LIN52: variants seen among roughly 807,000 people sequenced by gnomAD.
LIN52 encodes the protein protein lin-52 homolog.
In LIN52, 4 loss-of-function variants were observed where a neutral mutation model predicts 18.5. The observed-to-expected ratio is 0.22, with a 90% CI of 0.11 to 0.49. LIN52 has a LOEUF of 0.49. Among genes scored for constraint, LIN52 ranks in the 20% least tolerant of loss-of-function variants. The probability of loss-of-function intolerance (pLI) is 0.97; values close to 1 mark genes in which losing one functional copy is unlikely to be tolerated. For missense variants in LIN52, 102 were observed against 139.5 expected (o/e 0.73, Z 1.35); for synonymous variants, 34 against 45.5 (o/e 0.75, Z 1.02).
chr14:74,162,213 C>T (rs1183283224), intron 5 of LIN52, among the ~76,000 whole-genome samples: 7 of 151,960 alleles, frequency 4.6e-5, no homozygotes, highest in Non-Finnish European at 7.4e-5. Flanking sequence ...AAAAAATTGC[C>T]GCCTGTAATC....
intron 3 of LIN52, among the ~76,000 whole-genome samples, chr14:74,097,086 C>T (rs1040479273): frequency 1.7e-4 from 26 of 152,200 alleles, no homozygotes; most frequent in African/African-American, 5.8e-4. Flanking sequence ...TGATGATTTT[C>T]TCATTCTTGA....
rs575393182 is a variant in LIN52 at position 74,159,505 on chromosome 14, G to C, written c.284-39417G>C. 1.7e-4 allele frequency among the ~76,000 whole-genome samples: 26 copies of C among 151,604 alleles called. No homozygotes were observed. In the South Asian group the frequency reaches 3.6e-3, roughly 21 times the overall value. On this transcript the variant is annotated intron_variant, in intron 5 of 5. Coordinates refer to ENST00000555028, the MANE Select transcript of LIN52 (RefSeq NM_001024674.3). ...GTGTGGATAAATGCTCAAATTGTCT[G>C]TCTTGTCCAGGCAGATTCTGTAGCC...
chr14:74,088,276 A>G (rs1372648163), intron 1 of LIN52, among the ~76,000 whole-genome samples: 2 of 152,108 alleles, frequency 1.3e-5, no homozygotes, highest in African/African-American at 2.4e-5. Context: ...TTTTGAGTAG[A>G]GACGGGGTTT....
intron 5 of LIN52, among the ~76,000 whole-genome samples, chr14:74,180,262 ATTT>A (rs5809652): frequency 1.7e-5 from 2 of 119,766 alleles, no homozygotes; most frequent in Admixed American, 9.3e-5. Flanking sequence ...GGGAGGAGGA[ATTT>A]TTTTTTTTTT....
chr14:74,165,513 C>CTTTTTGTTTTTTTTTTTTTTTTT (rs1555384154), intron 5 of LIN52, among the ~76,000 whole-genome samples: 1 of 110,262 alleles, frequency 9.1e-6, no homozygotes, highest in Non-Finnish European at 1.8e-5. Flanking sequence ...GTTTTCTTTT[C>CTTTTTGTTTTTTTTTTTTTTTTT]TTTTTTTTTT....
chr14:74,190,388 A>ATTTTTTTTT (rs2061358409), intron 5 of LIN52, among the ~76,000 whole-genome samples: 1 of 64,312 alleles, frequency 1.6e-5, no homozygotes, highest in Non-Finnish European at 3.2e-5. Flanking sequence ...TGCCTAAATA[A>ATTTTTTTTT]CTTTTTTTTT....
intron 1 of LIN52, among the ~76,000 whole-genome samples, chr14:74,090,631 G>A (rs866757221): frequency 3.0e-4 from 45 of 152,192 alleles, no homozygotes; most frequent in Middle Eastern, 6.8e-3. Context: ...CACCATGTCC[G>A]GCTGGGGTTT....
At chr14:74,149,902 A>C (rs1393707468) in intron 5 of LIN52, among the ~76,000 whole-genome samples, 1 of 152,190 alleles carries the variant, frequency 6.6e-6, no homozygotes, top group Non-Finnish European at 1.5e-5. Context: ...AGGGGGACCA[A>C]GAGTCTGGAA....
intron 5 of LIN52, among the ~76,000 whole-genome samples, chr14:74,119,544 A>G (rs2060986576): frequency 6.6e-6 from 1 of 152,236 alleles, no homozygotes; most frequent in African/African-American, 2.4e-5. Context: ...TAGCTTTAGT[A>G]GGTACTTCCA....
intron 5 of LIN52, among the ~76,000 whole-genome samples, chr14:74,145,756 C>G (rs2061150512): frequency 6.6e-6 from 1 of 152,188 alleles, no homozygotes; most frequent in Admixed American, 6.5e-5. Flanking sequence ...ACATTTCTGG[C>G]ACAAAGTGTT....
chr14:74,184,708 G>A (rs1319885355), intron 5 of LIN52, among the ~76,000 whole-genome samples: 1 of 152,134 alleles, frequency 6.6e-6, no homozygotes, highest in Non-Finnish European at 1.5e-5. Context: ...AAGAATGGCA[G>A]AAAAAATGTT....
At chr14:74,111,871 TTTTC>T (rs941338294) in intron 5 of LIN52, among the ~76,000 whole-genome samples, 5 of 122,914 alleles carry the variant, frequency 4.1e-5, no homozygotes, top group South Asian at 6.2e-4. Flanking sequence ...TTGTGATTTT[TTTTC>T]TTTTTTTCTT....
chr14:74,180,550 G>A (rs550393818), intron 5 of LIN52, among the ~76,000 whole-genome samples: 12 of 152,146 alleles, frequency 7.9e-5, no homozygotes, highest in African/African-American at 2.6e-4. Context: ...GAGCCACCGC[G>A]CCCAGCCTAG....
intron 4 of LIN52, among the ~76,000 whole-genome samples, chr14:74,099,971 A>T (rs1212847056): frequency 6.6e-6 from 1 of 152,238 alleles, no homozygotes; most frequent in South Asian, 2.1e-4. Context: ...TTTGCTCCTA[A>T]CCTCCAACAG....
chr14:74,149,557 G>GA (rs1430535550), intron 5 of LIN52, among the ~76,000 whole-genome samples: 1 of 151,936 alleles, frequency 6.6e-6, no homozygotes, highest in African/African-American at 2.4e-5. Context: ...TTTGGGGAGG[G>GA]GTTGCCATTA....
rs71460959 is a variant in LIN52 at position 74,137,498 on chromosome 14, C to CTTTTTTTTTTTTTTTTTTTTTTTT, written c.283+36278_283+36279insTTTTTTTTTTTTTTTTTTTTTTTT. Among the ~76,000 whole-genome samples, 3 of 111,624 alleles carry CTTTTTTTTTTTTTTTTTTTTTTTT rather than the reference C, an allele frequency of 2.7e-5. 1 individual carries two copies. Among genetic ancestry groups the CTTTTTTTTTTTTTTTTTTTTTTTT allele is most frequent in the African/African-American group, 1.1e-4 (3 of 26,840 alleles). The allele number at this position is 111,624 out of a possible 152,430, so 73.2% of individuals were successfully genotyped here. A position where few individuals can be genotyped will look rare whatever the true frequency, so the allele number is the denominator to read the frequency against. ...GCACTAAATTCTTCACAGCAGCTCT[C>CTTTTTTTTTTTTTTTTTTTTTTTT]TTTTTTTTTTTTTTTTTTGAGATGG... On this transcript the variant is annotated intron_variant, in intron 5 of 5. Coordinates refer to ENST00000555028, the MANE Select transcript of LIN52 (RefSeq NM_001024674.3).
At chr14:74,095,651 T>C (rs775947928) in intron 2 of LIN52, among the ~76,000 whole-genome samples, 23 of 152,194 alleles carry the variant, frequency 1.5e-4, no homozygotes, top group Non-Finnish European at 3.1e-4. Context: ...TAAGAGATAT[T>C]GTATCTTACC....
At chr14:74,112,180 CCTT>C (rs1320874239) in intron 5 of LIN52, among the ~76,000 whole-genome samples, 2 of 151,886 alleles carry the variant, frequency 1.3e-5, no homozygotes, top group East Asian at 1.9e-4. Context: ...GCACCTGGCC[CCTT>C]CTTGTGATTT....
chr14:74,181,941 A>T (rs1371232381), intron 5 of LIN52, among the ~76,000 whole-genome samples: 4 of 152,222 alleles, frequency 2.6e-5, no homozygotes, highest in Non-Finnish European at 4.4e-5. Context: ...GTACTGCTAC[A>T]TGATTTTAGA....
Sources: allele counts gnomAD v4.1 joint callset (sites outside exome capture counted in the v4.1 genomes callset), GRCh38; gene constraint gnomAD v4.1.1; transcripts MANE v1.5; gene names NCBI Gene and HGNC (gene_info 2026-07-23, HGNC 2026-07-21).